C4orf51: variants seen among roughly 807,000 people sequenced by gnomAD.
The protein encoded by C4orf51 is uncharacterized protein C4orf51.
A neutral mutation model predicts 25.2 loss-of-function variants in C4orf51; 25 were observed. The ratio of observed to expected loss-of-function variants is 0.99; its 90% CI spans 0.72 to 1.39. The LOEUF (loss-of-function observed/expected upper bound fraction) is 1.39. C4orf51 is among the 40% of genes most tolerant of loss of function. C4orf51 has a pLI of 0.00. For missense variants in C4orf51, 252 were observed against 239.6 expected (o/e 1.05, Z -0.34); for synonymous variants, 100 against 84.5 (o/e 1.18, Z -1.01).
downstream of C4orf51, among the ~76,000 whole-genome samples, chr4:145,755,990 C>T (rs994413384): frequency 8.5e-5 from 13 of 152,192 alleles, no homozygotes; most frequent in South Asian, 2.1e-4. Context: ...AGCTGCTACC[C>T]GCTTCCATCT....
chr4:145,688,680 T>C (rs901557951), intron 1 of C4orf51, among the ~76,000 whole-genome samples: 3 of 152,196 alleles, frequency 2.0e-5, no homozygotes, highest in African/African-American at 7.2e-5. Context: ...CTTTTGTTTA[T>C]AAATTACCCA....
the C4orf51 span, among the ~76,000 whole-genome samples, chr4:145,787,491 G>C: frequency 6.7e-6 from 1 of 149,310 alleles, no homozygotes; most frequent in Non-Finnish European, 1.5e-5. Flanking sequence ...AAAAGAAATA[G>C]TTTTTGTCAA....
chr4:145,733,261 G>A (rs1039557125), downstream of C4orf51, among the ~76,000 whole-genome samples: 2 of 151,364 alleles, frequency 1.3e-5, no homozygotes, highest in African/African-American at 2.4e-5. Flanking sequence ...TCTCCCCCAC[G>A]ATCTTCCTCC....
downstream of C4orf51, among the ~76,000 whole-genome samples, chr4:145,736,213 T>C (rs1406806888): frequency 6.6e-6 from 1 of 151,816 alleles, no homozygotes; most frequent in Non-Finnish European, 1.5e-5. Flanking sequence ...AGCATTCCTA[T>C]ATTCAGGAGG....
intron 3 of C4orf51, among the ~76,000 whole-genome samples, chr4:145,728,911 T>C (rs1732262089): frequency 6.6e-6 from 1 of 152,120 alleles, no homozygotes; most frequent in Admixed American, 6.5e-5. Context: ...TGGTGGCTTT[T>C]TCTTTTTCTT....
intron 1 of C4orf51, among the ~76,000 whole-genome samples, chr4:145,766,841 A>G (rs1354906733): frequency 6.6e-6 from 1 of 152,206 alleles, no homozygotes; most frequent in Non-Finnish European, 1.5e-5. Context: ...GAAAACTAAG[A>G]AAGGTCTCTT....
intron 2 of C4orf51, among the ~76,000 whole-genome samples, chr4:145,712,009 C>A (rs1488087002): frequency 1.3e-5 from 2 of 152,094 alleles, no homozygotes; most frequent in East Asian, 3.8e-4. Flanking sequence ...TGGTAATCTG[C>A]AATTAGTGAT....
At chr4:145,712,824 C>G (rs573850564) in intron 2 of C4orf51, among the ~76,000 whole-genome samples, 1 of 152,328 alleles carries the variant, frequency 6.6e-6, no homozygotes, top group East Asian at 1.9e-4. Flanking sequence ...GAGAAGAAAT[C>G]AAAGCTTGGC....
At chr4:145,705,566 G>T (rs1211541170) in intron 2 of C4orf51, among the ~76,000 whole-genome samples, 1 of 152,162 alleles carries the variant, frequency 6.6e-6, no homozygotes, top group Admixed American at 6.6e-5. Context: ...GGTAGTGATT[G>T]TTCTGCAGGT....
At chr4:145,684,505 C>T (rs1729026178) in intron 1 of C4orf51, among the ~76,000 whole-genome samples, 1 of 151,898 alleles carries the variant, frequency 6.6e-6, no homozygotes, top group Non-Finnish European at 1.5e-5. Flanking sequence ...AAAAGATGTC[C>T]CACTACAACA....
At chr4:145,791,341 A>C in the C4orf51 span, among the ~76,000 whole-genome samples, 9 of 152,136 alleles carry the variant, frequency 5.9e-5, no homozygotes, top group Admixed American at 5.9e-4. Flanking sequence ...CACTCCCAAG[A>C]CCTAAGCACT....
chr4:145,786,808 T>C, the C4orf51 span, among the ~76,000 whole-genome samples: 1 of 152,200 alleles, frequency 6.6e-6, no homozygotes, highest in Non-Finnish European at 1.5e-5. Flanking sequence ...CTCGTCTGTA[T>C]CCCTTTTTAA....
chr4:145,688,966 A>G (rs887545992), intron 1 of C4orf51, among the ~76,000 whole-genome samples: 1 of 152,244 alleles, frequency 6.6e-6, no homozygotes, highest in Non-Finnish European at 1.5e-5. Flanking sequence ...AGCTTCAGTA[A>G]TTAAGGCAGG....
chr4:145,702,439 G>A (rs1248825073), intron 2 of C4orf51, among the ~76,000 whole-genome samples: 12 of 151,896 alleles, frequency 7.9e-5, no homozygotes, highest in African/African-American at 2.4e-4. Context: ...CAAATTACCT[G>A]GGCTGTACTG....
intron 1 of C4orf51, among the ~76,000 whole-genome samples, chr4:145,690,422 G>A (rs1246748142): frequency 2.0e-5 from 3 of 148,446 alleles, no homozygotes; most frequent in East Asian, 2.0e-4. Flanking sequence ...GGAGAATGGC[G>A]TGAACCCGGG....
chr4:145,762,807 T>C lies in C4orf51; in HGVS notation n.167-8181T>C, dbSNP rs1383888337. The stretch of plus-strand genomic sequence containing the variant: ...TCAGTGGCTTATATGAGAACTGTAG[T>C]GTGTTTGCTCTCTTTCCACAAAGAA... On this transcript the variant is annotated intron_variant and non_coding_transcript_variant, in intron 1 of 1. Transcript: ENST00000510096. This position sits in a 1 kb window ranked among gnomAD's most constrained non-coding sequence, Gnocchi z 4.9. Among the ~76,000 whole-genome samples, 1 of 152,204 alleles carries C rather than the reference T, an allele frequency of 6.6e-6. No individual in the cohort carries two copies. The highest frequency in any genetic ancestry group is 1.5e-5 in the Non-Finnish European group (1 of 68,022).
At chr4:145,696,660 C>T (rs1185540559) in intron 2 of C4orf51, 28 bp downstream of exon 2, 1 of 1,549,586 alleles carries the variant, frequency 6.5e-7, no homozygotes, top group African/African-American at 1.4e-5. Flanking sequence ...AGTTTCTGGG[C>T]CCAGCCCTTT....
At chr4:145,734,609 C>G (rs1042657624), downstream of C4orf51, among the ~76,000 whole-genome samples, 6 of 152,168 alleles carry the variant, frequency 3.9e-5, no homozygotes, top group African/African-American at 1.4e-4. Context: ...TCCCCACTCC[C>G]GCCCTGACCG....
intron 2 of C4orf51, among the ~76,000 whole-genome samples, chr4:145,699,663 T>C (rs1730300475): frequency 6.6e-6 from 1 of 152,226 alleles, no homozygotes; most frequent in African/African-American, 2.4e-5. Context: ...TCTGATTATC[T>C]ACCCACGTTT....
Sources: allele counts gnomAD v4.1 joint callset (sites outside exome capture counted in the v4.1 genomes callset), GRCh38; gene constraint gnomAD v4.1.1; non-coding constraint Gnocchi (gnomAD v3.1); transcripts MANE v1.5; gene names NCBI Gene and HGNC (gene_info 2026-07-23, HGNC 2026-07-21).